NAALADL2: variants seen among roughly 807,000 people sequenced by gnomAD.
NAALADL2 encodes N-acetylated alpha-linked acidic dipeptidase like 2.
In NAALADL2, 76 loss-of-function variants were observed where a neutral mutation model predicts 87.2. The ratio of observed to expected loss-of-function variants is 0.87; its 90% CI spans 0.72 to 1.05. NAALADL2 has a LOEUF of 1.05. Among genes scored for constraint, NAALADL2 ranks in the 50% least tolerant of loss-of-function variants. NAALADL2 has a pLI of 0.00. For synonymous variants in NAALADL2, 354 were observed against 331.0 expected, an observed-to-expected ratio of 1.07 and a Z score of -0.75; for missense variants, 1,089 against 945.8, an observed-to-expected ratio of 1.15 and a Z score of -1.99.
intron 4 of NAALADL2, among the ~76,000 whole-genome samples, chr3:175,309,772 T>C (rs922213315): frequency 6.6e-6 from 1 of 152,194 alleles, no homozygotes; most frequent in African/African-American, 2.4e-5. Context: ...ATAATTTGCA[T>C]ATTACGTAGC....
At chr3:174,881,183 A>T (rs1729146268) in intron 1 of NAALADL2, among the ~76,000 whole-genome samples, 1 of 152,136 alleles carries the variant, frequency 6.6e-6, no homozygotes, top group South Asian at 2.1e-4. Context: ...AGGAGCTGCC[A>T]TTCAAACCAT....
chr3:174,921,472 A>G (rs1735177427), intron 1 of NAALADL2, among the ~76,000 whole-genome samples: 1 of 152,168 alleles, frequency 6.6e-6, no homozygotes, highest in Admixed American at 6.5e-5. Context: ...ACAGAAATTT[A>G]TTATAAGAAT....
intron 1 of NAALADL2, among the ~76,000 whole-genome samples, chr3:174,952,559 A>G (rs1376125736): frequency 6.6e-6 from 1 of 152,104 alleles, no homozygotes; most frequent in African/African-American, 2.4e-5. Context: ...CTACTAGAAA[A>G]TGGACCATGA....
At chr3:175,781,976 A>G (rs1751184193) in intron 13 of NAALADL2, among the ~76,000 whole-genome samples, 1 of 150,150 alleles carries the variant, frequency 6.7e-6, no homozygotes, top group Non-Finnish European at 1.5e-5. Flanking sequence ...TGTTCTTGCT[A>G]TAGTTTACTG....
At chr3:175,548,852 T>C (rs1352649473) in intron 9 of NAALADL2, among the ~76,000 whole-genome samples, 8 of 152,126 alleles carry the variant, frequency 5.3e-5, no homozygotes, top group African/African-American at 1.9e-4. Flanking sequence ...GGATGATACT[T>C]TACCTGAGTT....
rs987495871 is a variant in NAALADL2, at chr3:174,589,991, T to C, written c.-115+39354T>C. Among the ~76,000 whole-genome samples, 7 of 152,260 alleles carry C rather than the reference T, an allele frequency of 4.6e-5. No homozygotes were observed. In the South Asian group the frequency reaches 1.4e-3, roughly 32 times the overall value. ...TATCAAGGGCCAAAACTTCTTGTTTTAGGTCCATGCTAGATTTTCCCACTG... is the reference window on the plus strand; with the variant it reads ...TATCAAGGGCCAAAACTTCTTGTTTCAGGTCCATGCTAGATTTTCCCACTG... On this transcript the variant is annotated intron_variant, in intron 2 of 3. Transcript: ENST00000434257.
At chr3:175,637,694 C>T (rs921962150) in intron 11 of NAALADL2, among the ~76,000 whole-genome samples, 1 of 152,152 alleles carries the variant, frequency 6.6e-6, no homozygotes, top group African/African-American at 2.4e-5. Context: ...CAGAAGCAGA[C>T]GCTGGTGCCA....
chr3:175,099,499 C>T (rs933441257), intron 2 of NAALADL2, among the ~76,000 whole-genome samples: 2 of 152,158 alleles, frequency 1.3e-5, no homozygotes, highest in Non-Finnish European at 2.9e-5. Context: ...AACATAACAG[C>T]TCCTCATCCA....
intron 3 of NAALADL2, among the ~76,000 whole-genome samples, chr3:174,789,933 T>C (rs1450714349): frequency 6.6e-6 from 1 of 152,218 alleles, no homozygotes; most frequent in Admixed American, 6.5e-5. Flanking sequence ...TTAGATGGTG[T>C]ACCTGGGCCA....
intron 5 of NAALADL2, among the ~76,000 whole-genome samples, chr3:175,396,677 A>G (rs975462481): frequency 1.3e-5 from 2 of 152,154 alleles, no homozygotes; most frequent in African/African-American, 2.4e-5. Context: ...TGTAGTTCCC[A>G]TAAACCCACG....
At chr3:174,813,795 G>A (rs1053268589) in intron 3 of NAALADL2, among the ~76,000 whole-genome samples, 1 of 152,102 alleles carries the variant, frequency 6.6e-6, no homozygotes, top group African/African-American at 2.4e-5. Flanking sequence ...CTCTTAAGTA[G>A]AGACACACAT....
intron 2 of NAALADL2, among the ~76,000 whole-genome samples, chr3:174,680,379 T>A (rs1283478047): frequency 6.6e-6 from 1 of 152,224 alleles, no homozygotes; most frequent in Non-Finnish European, 1.5e-5. Context: ...AGTCTTTTGA[T>A]CTGTGACTTT....
chr3:175,415,954 T>TAAAAA (rs58764853), intron 5 of NAALADL2, among the ~76,000 whole-genome samples: 4 of 133,600 alleles, frequency 3.0e-5, no homozygotes, highest in African/African-American at 1.1e-4. Flanking sequence ...TGTCTCTATT[T>TAAAAA]AAAAAAAAAA....
chr3:174,858,881 G>A (rs530859110), upstream of NAALADL2, among the ~76,000 whole-genome samples: 3 of 151,762 alleles, frequency 2.0e-5, no homozygotes, highest in African/African-American at 7.2e-5. Context: ...CAGTCACACA[G>A]CAAGTATTAG....
At chr3:175,667,181 GAGAAAGAAAGAA>G (rs201860926) in intron 11 of NAALADL2, among the ~76,000 whole-genome samples, 2,646 of 95,174 alleles carry the variant, frequency 0.028, 47 homozygotes, top group East Asian at 0.063. Flanking sequence ...AAGAAAGAAA[GAGAAAGAAAGAA>G]AGAAAGAAAG....
At chr3:174,494,787 G>A (rs1718414030) in intron 1 of NAALADL2, among the ~76,000 whole-genome samples, 1 of 152,156 alleles carries the variant, frequency 6.6e-6, no homozygotes, top group Non-Finnish European at 1.5e-5. Flanking sequence ...GGAGAGGACA[G>A]TTCAATAAGC....
rs1318405900 is a variant in NAALADL2 at position 174,807,375 on chromosome 3, AT to A, written c.-9+69630del. 7.2e-5 allele frequency among the ~76,000 whole-genome samples: 11 copies of A among 152,276 alleles called. No homozygotes were observed. The South Asian group carries it at 1.2e-3, about 17-fold the overall frequency. On this transcript the variant is annotated intron_variant, in intron 3 of 3. Transcript: ENST00000434257. ...TAGTAAAATGCTCTGCTTCTTGCTC[AT>A]ACGATGCACTTAGCCGTGTCCAAGT...
chr3:175,695,162 A>C (rs1737585126), intron 11 of NAALADL2, among the ~76,000 whole-genome samples: 1 of 151,922 alleles, frequency 6.6e-6, no homozygotes, highest in African/African-American at 2.4e-5. Flanking sequence ...TTTTAATTAT[A>C]CATAAACCAT....
In NAALADL2 at chr3:175,442,514, T is replaced by C. The variant is rs146229806; in HGVS notation, c.1091-4715T>C. On this transcript the variant is annotated intron_variant, in intron 5 of 13. Coordinates refer to ENST00000454872, the MANE Select transcript of NAALADL2 (RefSeq NM_207015.3). ...TCTGAACTAATATACTATTTTTATT[T>C]CAATAGTGAAGACACTTTGGTGTCA... is the stretch of plus-strand genomic sequence containing the variant. Among the ~76,000 whole-genome samples, 270 of 152,314 alleles carry C rather than the reference T, an allele frequency of 1.8e-3. 2 individuals are homozygous for C. Among genetic ancestry groups the C allele is most frequent in the African/African-American group, 5.6e-3 (234 of 41,562 alleles).
Sources: gnomAD v4.1 joint callset for allele counts (sites outside exome capture counted in the v4.1 genomes callset) on GRCh38, gnomAD v4.1.1 for gene constraint, MANE v1.5 for transcripts, NCBI Gene and HGNC (gene_info 2026-07-23, HGNC 2026-07-21) for gene names.